Variants in PCDH9 observed in about 807,000 individuals in gnomAD.
The protein encoded by PCDH9 is protocadherin-9.
In PCDH9, 24 loss-of-function variants were observed where a neutral mutation model predicts 70.6. The ratio of observed to expected loss-of-function variants is 0.34; its 90% CI spans 0.25 to 0.48. PCDH9 has a LOEUF of 0.48. Among genes scored for constraint, PCDH9 ranks in the 20% least tolerant of loss-of-function variants. The probability of loss-of-function intolerance (pLI) is 0.99; values close to 1 mark genes in which losing one functional copy is unlikely to be tolerated. For missense variants in PCDH9, 1,281 were observed against 1,503.6 expected (o/e 0.85, Z 2.45); for synonymous variants, 562 against 558.5 (o/e 1.01, Z -0.09).
At chr13:66,609,954 C>CTT (rs11333407) in intron 4 of PCDH9, among the ~76,000 whole-genome samples, 120 of 117,108 alleles carry the variant, frequency 1.0e-3, no homozygotes, top group African/African-American at 2.1e-3. Context: ...GCATTTCCTT[C>CTT]TTTTTTTTTT....
intron 3 of PCDH9, among the ~76,000 whole-genome samples, chr13:66,704,179 G>A (rs778219156): frequency 7.9e-5 from 12 of 152,116 alleles, no homozygotes; most frequent in Admixed American, 1.3e-4. Context: ...GAATAGATAC[G>A]TAACCTTGAT....
chr13:67,214,220 T>C (rs1261653272), intron 2 of PCDH9: 5 of 152,086 alleles, frequency 3.3e-5, no homozygotes, highest in Non-Finnish European at 7.4e-5. Context: ...TTAAGAAAAA[T>C]AGTAAAAGCT....
chr13:67,141,762 A>T (rs1313627183), intron 2 of PCDH9, among the ~76,000 whole-genome samples: 1 of 140,966 alleles, frequency 7.1e-6, no homozygotes, highest in African/African-American at 2.5e-5. Context: ...TTAAAAAAAA[A>T]AAAAAGAAGT....
intron 2 of PCDH9, among the ~76,000 whole-genome samples, chr13:66,905,290 A>G (rs950903619): frequency 2.6e-5 from 4 of 152,020 alleles, no homozygotes; most frequent in Non-Finnish European, 5.9e-5. Context: ...ATATCTATTC[A>G]TGCTGATTAA....
intron 2 of PCDH9, among the ~76,000 whole-genome samples, chr13:67,100,521 T>C (rs554647813): frequency 6.6e-6 from 1 of 152,336 alleles, no homozygotes; most frequent in African/African-American, 2.4e-5. Flanking sequence ...TATCATAAAT[T>C]GCATGTATAT....
intron 3 of PCDH9, among the ~76,000 whole-genome samples, chr13:66,830,839 G>T (rs907894681): frequency 6.6e-6 from 1 of 152,092 alleles, no homozygotes; most frequent in South Asian, 2.1e-4. Context: ...TGAATTAAAG[G>T]TATTAGTATA....
chr13:67,167,529 G>C (rs540176292), intron 2 of PCDH9, among the ~76,000 whole-genome samples: 1 of 152,168 alleles, frequency 6.6e-6, no homozygotes, highest in South Asian at 2.1e-4. Context: ...CCATAGAAAA[G>C]CTTTTGATAT....
chr13:66,636,008 A>C (rs1252517303), intron 3 of PCDH9, among the ~76,000 whole-genome samples: 3 of 152,160 alleles, frequency 2.0e-5, no homozygotes, highest in Admixed American at 6.6e-5. Context: ...AATATGTATA[A>C]TCTATTGTTA....
chr13:66,407,188 T>C (rs1358875964), intron 4 of PCDH9, among the ~76,000 whole-genome samples: 1 of 152,196 alleles, frequency 6.6e-6, no homozygotes, highest in Non-Finnish European at 1.5e-5. Flanking sequence ...AAGTTTAAAA[T>C]GCTAGTAATA....
chr13:66,860,764 A>C (rs190802774), intron 3 of PCDH9, among the ~76,000 whole-genome samples: 11 of 152,310 alleles, frequency 7.2e-5, no homozygotes, highest in South Asian at 4.1e-4. Context: ...CAGATTCTTC[A>C]AAAGAGCGAA....
intron 2 of PCDH9, among the ~76,000 whole-genome samples, chr13:67,093,426 C>A (rs1015117052): frequency 6.6e-6 from 1 of 151,860 alleles, no homozygotes; most frequent in East Asian, 1.9e-4. Flanking sequence ...TGCACTCTAG[C>A]CTGAGTGAAA....
intron 2 of PCDH9, among the ~76,000 whole-genome samples, chr13:67,012,297 T>C (rs1222524463): frequency 2.6e-5 from 4 of 151,700 alleles, no homozygotes; most frequent in Admixed American, 6.6e-5. Flanking sequence ...ATATATTTTG[T>C]ATTTTAATAA....
At chr13:66,805,410 C>A (rs1431200555) in intron 3 of PCDH9, among the ~76,000 whole-genome samples, 1 of 151,996 alleles carries the variant, frequency 6.6e-6, no homozygotes, top group Non-Finnish European at 1.5e-5. Flanking sequence ...AACAGTGTAT[C>A]CACAGAATAT....
intron 4 of PCDH9, among the ~76,000 whole-genome samples, chr13:66,510,107 A>C (rs1264227869): frequency 6.6e-6 from 1 of 151,936 alleles, no homozygotes; most frequent in Non-Finnish European, 1.5e-5. Context: ...ATTTCCTTTC[A>C]GGTTTATATG....
chr13:66,886,314 C>T (rs1053250484), intron 3 of PCDH9, among the ~76,000 whole-genome samples: 2 of 152,116 alleles, frequency 1.3e-5, no homozygotes, highest in Non-Finnish European at 1.5e-5. Context: ...GAAAGAAACA[C>T]CCCTTCTCTA....
intron 4 of PCDH9, among the ~76,000 whole-genome samples, chr13:66,524,303 TTTCTC>T (rs1960123220): frequency 6.6e-6 from 1 of 152,076 alleles, no homozygotes; most frequent in South Asian, 2.1e-4. Flanking sequence ...AATTTTTCCT[TTTCTC>T]TTTTGTTGTT....
At chr13:66,811,636 C>A (rs1263469044) in intron 3 of PCDH9, among the ~76,000 whole-genome samples, 1 of 150,852 alleles carries the variant, frequency 6.6e-6, no homozygotes, top group African/African-American at 2.4e-5. Context: ...TCCTGCCTGC[C>A]TAACCTGCCT....
intron 3 of PCDH9, among the ~76,000 whole-genome samples, chr13:66,727,545 G>A (rs543023971): frequency 3.3e-5 from 5 of 152,138 alleles, no homozygotes; most frequent in Admixed American, 1.3e-4. Flanking sequence ...TTTAAGGGAA[G>A]TTAAATTAAA....
At chr13:66,805,927 C>T (rs1255041784) in intron 3 of PCDH9, among the ~76,000 whole-genome samples, 1 of 152,020 alleles carries the variant, frequency 6.6e-6, no homozygotes, top group Non-Finnish European at 1.5e-5. Context: ...TGTGCTTTTA[C>T]TCAGTAAACC....
Sources: gnomAD v4.1 joint callset for allele counts (sites outside exome capture counted in the v4.1 genomes callset) on GRCh38, gnomAD v4.1.1 for gene constraint, MANE v1.5 for transcripts, NCBI Gene and HGNC (gene_info 2026-07-23, HGNC 2026-07-21) for gene names.